The following FNIP1 variants were observed in gnomAD, a reference collection of about 807,000 sequenced individuals.
FNIP1 encodes folliculin-interacting protein 1.
FNIP1 carries 40 observed loss-of-function variants against 124.5 expected under a neutral mutation model. The ratio of observed to expected loss-of-function variants is 0.32; its 90% CI spans 0.25 to 0.42. The LOEUF (loss-of-function observed/expected upper bound fraction) is 0.42, where lower values mean the gene tolerates loss of function less well. Among genes scored for constraint, FNIP1 ranks in the 10% least tolerant of loss-of-function variants. The probability of loss-of-function intolerance (pLI) is 1.00; values close to 1 mark genes in which losing one functional copy is unlikely to be tolerated. For synonymous variants in FNIP1, 472 were observed against 470.6 expected (o/e 1.00, Z -0.04); for missense variants, 1,176 against 1,403.7 (o/e 0.84, Z 2.59).
intron 11 of FNIP1, among the ~76,000 whole-genome samples, chr5:131,696,871 C>A (rs1768712051): frequency 6.6e-6 from 1 of 152,010 alleles, no homozygotes; most frequent in African/African-American, 2.4e-5. Flanking sequence ...TTATCCTAAA[C>A]ATTATGATGC....
At chr5:131,718,873 T>G in intron 5 of FNIP1, 113 bp downstream of exon 5, 1 of 811,754 alleles carries the variant, frequency 1.2e-6, no homozygotes. Flanking sequence ...CTTTTAAACT[T>G]AAGGAAAGAC....
At chr5:131,669,799 C>A (rs1436314487) in intron 15 of FNIP1, among the ~76,000 whole-genome samples, 1 of 151,854 alleles carries the variant, frequency 6.6e-6, no homozygotes, top group African/African-American at 2.4e-5. Flanking sequence ...CAACTAACAA[C>A]ATACTTAATC....
At chr5:131,739,593 C>G (rs565069742) in intron 2 of FNIP1, among the ~76,000 whole-genome samples, 28 of 152,098 alleles carry the variant, frequency 1.8e-4, no homozygotes, top group African/African-American at 6.3e-4. Context: ...GTGGGTGGAT[C>G]ACGAGGTCAG....
intron 3 of FNIP1, among the ~76,000 whole-genome samples, chr5:131,723,556 T>C (rs951881445): frequency 6.6e-6 from 1 of 152,176 alleles, no homozygotes; most frequent in Non-Finnish European, 1.5e-5. Flanking sequence ...CAATGAAGCT[T>C]ATAATTAAAA....
intron 1 of FNIP1, among the ~76,000 whole-genome samples, chr5:131,766,989 T>G (rs1771447991): frequency 6.6e-6 from 1 of 151,990 alleles, no homozygotes; most frequent in African/African-American, 2.4e-5. Flanking sequence ...CGGGAAACAC[T>G]CTTCACAGAC....
chr5:131,656,324 C>T (rs1205587082), intron 15 of FNIP1, among the ~76,000 whole-genome samples: 1 of 152,140 alleles, frequency 6.6e-6, no homozygotes, highest in African/African-American at 2.4e-5. Flanking sequence ...ATCAATGAAT[C>T]CACCATGAGG....
intron 2 of FNIP1, 88 bp from the exon 3 acceptor site, chr5:131,731,126 C>A: frequency 7.9e-7 from 1 of 1,269,544 alleles, no homozygotes; most frequent in Non-Finnish European, 1.1e-6. Context: ...TTGGAAAAAC[C>A]AAGAATGAAA....
At chr5:131,746,930 C>T (rs757725079) in intron 1 of FNIP1, among the ~76,000 whole-genome samples, 3 of 152,166 alleles carry the variant, frequency 2.0e-5, no homozygotes, top group Non-Finnish European at 4.4e-5. Context: ...CACAGCCTCA[C>T]CTGCATCTGT....
chr5:131,730,715 T>C (rs1004042282), intron 3 of FNIP1, among the ~76,000 whole-genome samples, 189 bp downstream of exon 3: 6 of 152,246 alleles, frequency 3.9e-5, no homozygotes, highest in African/African-American at 1.4e-4. Context: ...TCTATGCCTA[T>C]AGCTTTCTAC....
chr5:131,738,274 T>G (rs1032057966), intron 2 of FNIP1, among the ~76,000 whole-genome samples: 3 of 152,212 alleles, frequency 2.0e-5, no homozygotes, highest in South Asian at 2.1e-4. Context: ...CGCTCAGCTC[T>G]TGTCCTTCAC....
At chr5:131,750,580 G>A (rs1378337117) in intron 1 of FNIP1, among the ~76,000 whole-genome samples, 5 of 151,118 alleles carry the variant, frequency 3.3e-5, no homozygotes, top group East Asian at 1.9e-4. Context: ...TGAGAGAATG[G>A]TTTGGGTTGA....
At chr5:131,746,574 G>A (rs985089545) in intron 1 of FNIP1, among the ~76,000 whole-genome samples, 1 of 152,166 alleles carries the variant, frequency 6.6e-6, no homozygotes, top group African/African-American at 2.4e-5. Flanking sequence ...ACGGCCTCCA[G>A]CTGCCTTCGT....
chr5:131,659,493 C>T (rs1480699130), intron 15 of FNIP1, among the ~76,000 whole-genome samples: 3 of 152,190 alleles, frequency 2.0e-5, no homozygotes, highest in South Asian at 2.1e-4. Flanking sequence ...ATGTCACACA[C>T]GATTTCCCGC....
At chr5:131,715,324 A>G (rs1014973044) in intron 6 of FNIP1, among the ~76,000 whole-genome samples, 1 of 152,120 alleles carries the variant, frequency 6.6e-6, no homozygotes, top group Non-Finnish European at 1.5e-5. Context: ...TGTCTCTATT[A>G]AAAATACAAA....
intron 2 of FNIP1, among the ~76,000 whole-genome samples, chr5:131,736,054 T>G (rs1770292702): frequency 6.6e-6 from 1 of 152,096 alleles, no homozygotes; most frequent in Non-Finnish European, 1.5e-5. Flanking sequence ...GGATTACAGG[T>G]GTGAGCCACT....
chr5:131,725,545 T>C (rs1769831590), intron 3 of FNIP1, among the ~76,000 whole-genome samples: 1 of 152,216 alleles, frequency 6.6e-6, no homozygotes, highest in Non-Finnish European at 1.5e-5. Context: ...CACATTGATT[T>C]TGTATCTTGA....
chr5:131,654,788 G>A (rs1767143380), intron 15 of FNIP1, among the ~76,000 whole-genome samples: 2 of 152,150 alleles, frequency 1.3e-5, no homozygotes, highest in South Asian at 4.1e-4. Context: ...AGAAATAGAA[G>A]TAGATGCAAA....
At chr5:131,784,869 A>C (rs1226422814) in intron 1 of FNIP1, among the ~76,000 whole-genome samples, 2 of 149,744 alleles carry the variant, frequency 1.3e-5, no homozygotes, top group African/African-American at 4.9e-5. Context: ...TATTCAAAAA[A>C]AAAAACAGCA....
chr5:131,655,097 A>G (rs999711783), intron 15 of FNIP1, among the ~76,000 whole-genome samples: 6 of 152,202 alleles, frequency 3.9e-5, no homozygotes, highest in African/African-American at 1.4e-4. Context: ...ATTTTTTCCA[A>G]TATAATATAT....
Sources: gnomAD v4.1 joint callset for allele counts (sites outside exome capture counted in the v4.1 genomes callset) on GRCh38, gnomAD v4.1.1 for gene constraint, MANE v1.5 for transcripts, NCBI Gene and HGNC (gene_info 2026-07-23, HGNC 2026-07-21) for gene names.